KRT9: variants seen among roughly 807,000 people sequenced by gnomAD.
KRT9 encodes keratin 9, also known as keratin, type I cytoskeletal 9.
Under a neutral mutation model 51.4 loss-of-function variants are expected in KRT9, and 34 were observed. The observed-to-expected ratio is 0.66, with a 90% confidence interval of 0.50 to 0.88. The LOEUF is 0.88. Ranked by LOEUF, KRT9 falls within the 40% of genes least tolerant of loss-of-function variation. The pLI is 0.00. For missense variants in KRT9, 753 were observed against 790.3 expected (o/e 0.95, Z 0.57); for synonymous variants, 292 against 289.7 (o/e 1.01, Z -0.08).
intron 5 of KRT9, 46 bp from the exon 6 acceptor site, chr17:41,568,431 C>T: frequency 6.2e-7 from 1 of 1,613,878 alleles, no homozygotes; most frequent in Non-Finnish European, 8.5e-7. Flanking sequence ...CATCATAACT[C>T]CTCTTCTTCC....
At chr17:41,566,433 T>C (rs1906878799) in intron 7 of KRT9, among the ~76,000 whole-genome samples, 1 of 152,154 alleles carries the variant, frequency 6.6e-6, no homozygotes, top group Admixed American at 6.5e-5. Flanking sequence ...GTTAGTCAAT[T>C]TTTTGTATAT....
At position 41,565,981 on chromosome 17, in the gene KRT9, G is replaced by A. The variant is rs189360075; in HGVS notation, c.*212C>T. On this transcript the variant is annotated 3_prime_UTR_variant, in exon 8 of 8. Transcript: ENST00000246662. ...GGTTGGAAGCCAATGGAAAGCCAGA[G>A]GCACATATGCCAAGTCAGTTCAGTC... 3.9e-5 allele frequency: 6 copies of A among 152,702 alleles called. No homozygotes were observed. Among genetic ancestry groups the A allele is most frequent in the African/African-American group, 1.4e-4 (6 of 41,584 alleles). The allele number at this position is 152,702 out of a possible 1,614,324, so 9.5% of individuals were successfully genotyped here. A position where few individuals can be genotyped will look rare whatever the true frequency, so the allele number is the denominator to read the frequency against.
At chr17:41,569,714 C>T (rs1907010083) in intron 3 of KRT9, 127 bp from the exon 4 acceptor site, 1 of 1,473,068 alleles carries the variant, frequency 6.8e-7, no homozygotes, top group African/African-American at 1.4e-5. Context: ...CCAACCACTA[C>T]CATAGGTGAT....
intron 7 of KRT9, 86 bp downstream of exon 7, chr17:41,567,147 G>A: frequency 6.3e-7 from 1 of 1,578,010 alleles, no homozygotes. Context: ...TTCAGAATCT[G>A]TGTTCCCCAG....
chr17:41,567,030 G>A (rs1217749136), intron 7 of KRT9, among the ~76,000 whole-genome samples: 1 of 152,170 alleles, frequency 6.6e-6, no homozygotes, highest in Non-Finnish European at 1.5e-5. Context: ...GCCATGTGTA[G>A]ATTTGGTCCT....
In KRT9 at chr17:41,571,519, C is replaced by A; in HGVS notation, c.474G>T (p.Gln158His). The change falls in exon 1 of 8, where the codon CAG becomes CAT. Residue 158 changes from glutamine (Q) to histidine (H), a missense_variant. By Grantham distance (24) the Gln-to-His change is conservative. Around this residue, in one of 3 missense-constraint regions of KRT9, gnomAD observed 241 missense variants for 210.3 expected, o/e 1.15. Transcript: ENST00000246662. ...AAGAGGCCAGCCGAGAATTGAGTTC[C>A]TGCATGGTGCTCTTCTCATTAGCAG... ...ILTANEKSTMQELNSRLASYL... is the reference protein window; with the variant it reads ...ILTANEKSTMHELNSRLASYL... The A allele has an allele frequency of 1.9e-6, 3 of 1,614,002 alleles. No homozygotes were observed. The highest frequency in any genetic ancestry group is 2.5e-6 in the Non-Finnish European group (3 of 1,179,988).
rs199999216 is a variant in KRT9 at position 41,570,035 on chromosome 17, A to G, written c.726-20T>C. On this transcript the variant is annotated intron_variant, in intron 2 of 7. Coordinates refer to ENST00000246662, the MANE Select transcript of KRT9 (RefSeq NM_000226.4). ...TCAAACCTGCAGACCAGCCAGGGTT[A>G]GAAAACAATCAAGAGGGAACCAGGC... 6 of 1,614,192 alleles carry G rather than the reference A, an allele frequency of 3.7e-6. No individual in the cohort carries two copies. The African/African-American group carries it at 6.7e-5, about 18-fold the overall frequency.
intron 5 of KRT9, 44 bp from the exon 6 acceptor site, chr17:41,568,429 C>A: frequency 1.9e-6 from 3 of 1,613,778 alleles, no homozygotes; most frequent in Non-Finnish European, 2.5e-6. Context: ...TACATCATAA[C>A]TCCTCTTCTT....
intron 3 of KRT9, 130 bp downstream of exon 3, chr17:41,569,729 A>G: frequency 6.8e-7 from 1 of 1,481,166 alleles, no homozygotes; most frequent in Non-Finnish European, 9.4e-7. Flanking sequence ...GGTGATGCCA[A>G]GGAGAAGTTG....
chr17:41,570,314 T>C (rs1446815912), intron 1 of KRT9, 94 bp from the exon 2 acceptor site: 1 of 1,027,864 alleles, frequency 9.7e-7, no homozygotes, highest in Non-Finnish European at 1.5e-6. Context: ...GAGGATTCCA[T>C]CCAGGAAGAT....
rs772738768 is a variant in KRT9, at chr17:41,567,713, G to C, written c.1432C>G (p.Arg478Gly). 1 of 1,613,952 alleles carries C rather than the reference G, an allele frequency of 6.2e-7. No individual in the cohort carries two copies. Among genetic ancestry groups the C allele is most frequent in the South Asian group, 1.1e-5 (1 of 91,068 alleles). The change falls in exon 7 of 8, where the codon CGA becomes GGA. Residue 478 changes from arginine (R) to glycine (G), a missense_variant. By Grantham distance (125) the Arg-to-Gly change is moderately radical. Transcript: ENST00000246662. ...CCATAACTGCCTCCACTTCCTCCTC[G>C]ACCTCCAAGGCCAATTTTTCCAGCT... ...SGAGKIGLGG[R>G]GGSGGSYGRG...
intron 1 of KRT9, 133 bp from the exon 2 acceptor site, chr17:41,570,353 G>GA (rs749139797): frequency 1.5e-4 from 121 of 800,236 alleles, no homozygotes; most frequent in Non-Finnish European, 2.2e-4. Context: ...ACTTCCAACA[G>GA]CTGGGACATG....
At chr17:41,570,664 T>C (rs1461940089) in intron 1 of KRT9, among the ~76,000 whole-genome samples, 2 of 151,534 alleles carry the variant, frequency 1.3e-5, no homozygotes, top group African/African-American at 4.9e-5. Flanking sequence ...ATGGAAGAGG[T>C]TTAGAGTAGA....
At position 41,567,718 on chromosome 17, in the gene KRT9, C is replaced by T; in HGVS notation, c.1427G>A (p.Gly476Glu). 6.2e-7 allele frequency: 1 copy of T among 1,614,226 alleles called. No homozygotes were observed. Residue 476 changes from glycine to glutamate, a missense_variant, in exon 7 of 8, where the codon GGA becomes GAA. This residue lies in a region of KRT9 where 507 missense variants were observed against 563.7 expected (regional missense o/e 0.90). Transcript: ENST00000246662. ...ESSGAGKIGL[G>E]GRGGSGGSYG... is the part of the protein sequence containing the mutation. Reference sequence around the variant, plus strand: ...ACTGCCTCCACTTCCTCCTCGACCTCCAAGGCCAATTTTTCCAGCTCCGGA... The same window carrying T: ...ACTGCCTCCACTTCCTCCTCGACCTTCAAGGCCAATTTTTCCAGCTCCGGA...
rs1597793853 is a variant in KRT9 at position 41,569,744 on chromosome 17, T to A, written c.882+115A>T. The A allele has an allele frequency of 2.0e-6, 3 of 1,501,728 alleles. No homozygotes were observed. The East Asian group carries it at 6.8e-5, about 34-fold the overall frequency. The allele number at this position is 1,501,728 out of a possible 1,614,324, so 93.0% of individuals were successfully genotyped here. ...GGTGATGCCAAGGAGAAGTTGAAAG[T>A]GTCCTCAAGAGCAAAGGAGAGGGTG... On this transcript the variant is annotated intron_variant, in intron 3 of 7. Coordinates refer to ENST00000246662, the MANE Select transcript of KRT9 (RefSeq NM_000226.4).
At chr17:41,571,175 T>A (rs1907065343) in intron 1 of KRT9, among the ~76,000 whole-genome samples, 176 bp downstream of exon 1, 1 of 152,166 alleles carries the variant, frequency 6.6e-6, no homozygotes, top group African/African-American at 2.4e-5. Flanking sequence ...CAGGCCAAAG[T>A]CCTATCCTGG....
In KRT9 at chr17:41,571,562, C is replaced by T; in HGVS notation, c.431G>A (p.Gly144Asp). 6.2e-7 allele frequency: 1 copy of T among 1,612,640 alleles called. No homozygotes were observed. Residue 144 changes from glycine (G) to aspartate (D), a missense_variant, in exon 1 of 8, where the codon GGT (glycine) becomes GAT (aspartate). This residue lies in a region of KRT9 where 241 missense variants were observed against 210.3 expected (regional missense o/e 1.15). Coordinates refer to ENST00000246662, the MANE Select transcript of KRT9 (RefSeq NM_000226.4). ...ATTAGCAGTCAGAATACCACCATCA[C>T]CTCCTCCAGCACCACCTCCAAAGCC... ...FGGFGGGAGG[G>D]DGGILTANEK...
chr17:41,568,068 A>T, intron 6 of KRT9, 94 bp downstream of exon 6: 1 of 1,187,826 alleles, frequency 8.4e-7, no homozygotes, highest in South Asian at 1.3e-5. Context: ...CCTGTGTATA[A>T]GAACTTCCCC....
chr17:41,567,262 G>A lies in KRT9; in HGVS notation c.*11C>T. 1 of 1,613,730 alleles carries A rather than the reference G, an allele frequency of 6.2e-7. No individual in the cohort carries two copies. On this transcript the variant is annotated 3_prime_UTR_variant, in exon 7 of 8. Coordinates refer to ENST00000246662, the MANE Select transcript of KRT9 (RefSeq NM_000226.4). Reference sequence around the variant, plus strand: ...TGTCTCATCTTGGTCACCAGATTTTGAGGAAGAAGACTAGGAATGGGATGA... The same window carrying A: ...TGTCTCATCTTGGTCACCAGATTTTAAGGAAGAAGACTAGGAATGGGATGA...
Sources: gnomAD v4.1 joint callset for allele counts (sites outside exome capture counted in the v4.1 genomes callset) on GRCh38, gnomAD v4.1.1 for gene constraint, gnomAD v4.1.1 regional missense constraint, MANE v1.5 for transcripts, NCBI Gene and HGNC (gene_info 2026-07-23, HGNC 2026-07-21) for gene names.